MPP4: variants seen among roughly 807,000 people sequenced by gnomAD.
MPP4 encodes MAGUK p55 scaffold protein 4.
In MPP4, 91 loss-of-function variants were observed where a neutral mutation model predicts 98.3. That is an observed-to-expected ratio of 0.93 (90% CI 0.78 to 1.10). The LOEUF is 1.10. Ranked by LOEUF, MPP4 falls within the 50% of genes least tolerant of loss-of-function variation. The pLI is 0.00. For synonymous variants in MPP4, 261 were observed against 271.8 expected (o/e 0.96, Z 0.39); for missense variants, 744 against 792.9 (o/e 0.94, Z 0.74).
At chr2:201,683,513 C>T (rs1688723424) in intron 7 of MPP4, among the ~76,000 whole-genome samples, 1 of 152,088 alleles carries the variant, frequency 6.6e-6, no homozygotes, top group Non-Finnish European at 1.5e-5. Flanking sequence ...CTTTGGGAGG[C>T]CAAGGTAGGT....
chr2:201,693,763 A>G, intron 2 of MPP4, 113 bp downstream of exon 2: 2 of 1,298,904 alleles, frequency 1.5e-6, no homozygotes, highest in Non-Finnish European at 1.1e-6. Flanking sequence ...AAAATGTACA[A>G]GATCCTCATA....
chr2:201,688,905 C>A (rs970472440), intron 4 of MPP4, among the ~76,000 whole-genome samples: 1 of 152,158 alleles, frequency 6.6e-6, no homozygotes, highest in African/African-American at 2.4e-5. Flanking sequence ...CCATGAGCTA[C>A]TGCACCCAGC....
At position 201,680,941 on chromosome 2, in the gene MPP4, G is replaced by C; in HGVS notation, c.826C>G (p.Leu276Val). The C allele has an allele frequency of 1.2e-6, 2 of 1,613,910 alleles. No individual in the cohort carries two copies. The highest frequency in any genetic ancestry group is 2.2e-5 in the South Asian group (2 of 91,040). Residue 276 changes from leucine to valine, a missense_variant, in exon 10 of 22, where the codon CTC (leucine) becomes GTC (valine). By Grantham distance (32) the Leu-to-Val change is conservative. Transcript: ENST00000409474. ...AGLPFQKGDI[L>V]QIVDQNDALW... Reference sequence around the variant, plus strand: ...GCATCATTCTGGTCCACAATCTGGAGGATGTCCCCCTTCTGGAAAGGCAAT... The same window carrying C: ...GCATCATTCTGGTCCACAATCTGGACGATGTCCCCCTTCTGGAAAGGCAAT...
chr2:201,698,149 G>GTCAA, intron 1 of MPP4: 2 of 940,400 alleles, frequency 2.1e-6, no homozygotes, highest in Non-Finnish European at 2.5e-6. Flanking sequence ...TGTTTTAAAA[G>GTCAA]TATTTCCATT....
At chr2:201,690,364 A>G in intron 3 of MPP4, 85 bp from the exon 4 acceptor site, 1 of 840,868 alleles carries the variant, frequency 1.2e-6, no homozygotes, top group Non-Finnish European at 1.9e-6. Context: ...GAGAAGAAAC[A>G]CCCCAGGCAA....
chr2:201,661,068 G>A (rs1455863081), intron 14 of MPP4, among the ~76,000 whole-genome samples: 3 of 152,064 alleles, frequency 2.0e-5, no homozygotes, highest in Admixed American at 6.5e-5. Context: ...TTATAGGCAT[G>A]AGCCACCACG....
At position 201,645,346 on chromosome 2, in the gene MPP4, T is replaced by G; in HGVS notation, c.1778A>C (p.Gln593Pro). The part of the protein sequence containing the change: ...LAQRMETQFG[Q>P]FFDHVIVNDS... ...ATTCACAATCACATGATCAAAAAAT[T>G]GGCCAAACTGAGTTTCCATTCTTTG... The change falls in exon 22 of 22, where the codon CAA becomes CCA. Residue 593 changes from glutamine (Q) to proline (P), a missense_variant. By Grantham distance (76) the Gln-to-Pro change is moderately conservative. Coordinates refer to ENST00000409474, the MANE Select transcript of MPP4 (RefSeq NM_033066.3). The G allele has an allele frequency of 6.2e-7, 1 of 1,613,994 alleles. No individual in the cohort carries two copies. Among genetic ancestry groups the G allele is most frequent in the Non-Finnish European group, 8.5e-7 (1 of 1,179,870 alleles).
At position 201,679,236 on chromosome 2, in the gene MPP4, G is replaced by C. The variant is rs552373813; in HGVS notation, c.929+1602C>G. On this transcript the variant is annotated intron_variant, in intron 10 of 21. Transcript: ENST00000409474. ...ACTCCATCCTTATAATCTGTCCCTT[G>C]GCCCCCTCTTGATTTGCTGTTAAAT... Among the ~76,000 whole-genome samples, 8 of 151,958 alleles carry C rather than the reference G, an allele frequency of 5.3e-5. No individual in the cohort carries two copies. In the South Asian group the frequency reaches 1.7e-3, roughly 32 times the overall value.
At position 201,649,659 on chromosome 2, in the gene MPP4, C is replaced by T; in HGVS notation, c.1501G>A (p.Gly501Ser). The change falls in exon 20 of 22, where the codon GGC (glycine) becomes AGC (serine). Residue 501 changes from glycine (G) to serine (S), a missense_variant. By Grantham distance (56) the Gly-to-Ser change is moderately conservative. Coordinates refer to ENST00000409474, the MANE Select transcript of MPP4 (RefSeq NM_033066.3). Reference sequence around the variant, plus strand: ...TCCACACTAGTGCCATACAGGTGGCCTTTGTACTCACCATACTCCAGCATC... The same window carrying T: ...TCCACACTAGTGCCATACAGGTGGCTTTTGTACTCACCATACTCCAGCATC... ...HRMLEYGEYK[G>S]HLYGTSVDAV... The T allele has an allele frequency of 1.9e-6, 3 of 1,610,428 alleles. No homozygotes were observed. Among genetic ancestry groups the T allele is most frequent in the Non-Finnish European group, 2.5e-6 (3 of 1,178,332 alleles).
chr2:201,671,439 T>C (rs560648561), intron 11 of MPP4, among the ~76,000 whole-genome samples: 1 of 152,274 alleles, frequency 6.6e-6, no homozygotes, highest in African/African-American at 2.4e-5. Context: ...ATACCCCAAT[T>C]AAAAGACACA....
Position 201,693,997 on chromosome 2 carries a change from C to A in MPP4, c.-43G>T. The A allele has an allele frequency of 1.1e-5, 18 of 1,613,726 alleles. No individual in the cohort carries two copies. Among genetic ancestry groups the A allele is most frequent in the Non-Finnish European group, 1.4e-5 (17 of 1,179,754 alleles). ...CTGAAAGGAATTCAGGACTAGGAAGCGGGTCAATACACGGCACACAGCTCA... is the reference window on the plus strand; with the variant it reads ...CTGAAAGGAATTCAGGACTAGGAAGAGGGTCAATACACGGCACACAGCTCA... On this transcript the variant is annotated 5_prime_UTR_variant, in exon 2 of 22. Transcript: ENST00000409474.
At chr2:201,687,727 C>T (rs543595214) in intron 4 of MPP4, among the ~76,000 whole-genome samples, 36 of 152,290 alleles carry the variant, frequency 2.4e-4, no homozygotes, top group African/African-American at 8.4e-4. Context: ...GATGTCAATG[C>T]TTTGCAGGCT....
chr2:201,645,094 C>A lies in MPP4; in HGVS notation c.*116G>T. The stretch of plus-strand genomic sequence containing the variant: ...TCAAATAAGATTAATTAATAAATTG[C>A]TGCACTTTTAAAGTTGTACACATTA... On this transcript the variant is annotated 3_prime_UTR_variant, in exon 22 of 22. Coordinates refer to ENST00000409474, the MANE Select transcript of MPP4 (RefSeq NM_033066.3). The A allele has an allele frequency of 4.7e-6, 4 of 856,052 alleles. No homozygotes were observed. Among genetic ancestry groups the A allele is most frequent in the South Asian group, 4.1e-5 (1 of 24,522 alleles). The allele number at this position is 856,052 out of a possible 1,614,324, so 53.0% of individuals were successfully genotyped here.
chr2:201,689,536 G>C (rs1247081825), intron 4 of MPP4, among the ~76,000 whole-genome samples: 1 of 152,156 alleles, frequency 6.6e-6, no homozygotes, highest in East Asian at 1.9e-4. Context: ...ATCTATGTAA[G>C]AGATGATGAT....
rs576085401 is a variant in MPP4, at chr2:201,686,176, C to T, written c.361-126G>A. On this transcript the variant is annotated intron_variant, in intron 5 of 21. Coordinates refer to ENST00000409474, the MANE Select transcript of MPP4 (RefSeq NM_033066.3). Reference sequence around the variant, plus strand: ...AACACCAATACAGACATGCCAGACACAGTGCGAAGCATTTTATATGAATTA... The same window carrying T: ...AACACCAATACAGACATGCCAGACATAGTGCGAAGCATTTTATATGAATTA... 2.8e-6 allele frequency: 3 copies of T among 1,078,784 alleles called. No homozygotes were observed. The African/African-American group carries it at 4.7e-5, about 17-fold the overall frequency. The allele number at this position is 1,078,784 out of a possible 1,614,324, so 66.8% of individuals were successfully genotyped here.
rs1688965668 is a variant in MPP4, at chr2:201,690,124, AATTCATTTG to A, written c.279+69_279+77del. 1.5e-5 allele frequency: 14 copies of A among 905,304 alleles called. 1 individual carries two copies. In the South Asian group the frequency reaches 2.6e-4, roughly 17 times the overall value. 56.1% of individuals were successfully genotyped at this position (905,304 alleles called of 1,614,324 possible). ...AATAAAACTTTTCCTTAGAACCTTT[AATTCATTTG>A]AACTAGCAATGTGGGGAAAATGGCA... is the stretch of plus-strand genomic sequence containing the variant. On this transcript the variant is annotated intron_variant, in intron 4 of 21. Coordinates refer to ENST00000409474, the MANE Select transcript of MPP4 (RefSeq NM_033066.3).
intron 13 of MPP4, chr2:201,665,497 C>A (rs945654197): frequency 2.6e-5 from 4 of 151,964 alleles, no homozygotes; most frequent in Non-Finnish European, 4.4e-5. Flanking sequence ...ACTGAATATA[C>A]CTTTGTAGTT....
intron 13 of MPP4, 28 bp from the exon 14 acceptor site, chr2:201,664,129 A>T (rs769618212): frequency 4.4e-5 from 68 of 1,533,124 alleles, no homozygotes; most frequent in Non-Finnish European, 5.6e-5. Context: ...GGCAAAAATC[A>T]AAAATGTTAT....
At chr2:201,670,266 T>A (rs1035740613) in intron 11 of MPP4, among the ~76,000 whole-genome samples, 2 of 152,200 alleles carry the variant, frequency 1.3e-5, no homozygotes, top group African/African-American at 4.8e-5. Flanking sequence ...CTCAGTAGCC[T>A]GCCCCTAATT....
Sources: allele counts gnomAD v4.1 joint callset (sites outside exome capture counted in the v4.1 genomes callset), GRCh38; gene constraint gnomAD v4.1.1; transcripts MANE v1.5; gene names NCBI Gene and HGNC (gene_info 2026-07-23, HGNC 2026-07-21).